Variants in LRBA observed in about 807,000 individuals in gnomAD.
LRBA encodes lipopolysaccharide-responsive and beige-like anchor protein.
Under a neutral mutation model 330.0 loss-of-function variants are expected in LRBA, and 176 were observed. That is an observed-to-expected ratio of 0.53 (90% confidence interval 0.47 to 0.60). The LOEUF (loss-of-function observed/expected upper bound fraction) is 0.60, where lower values mean the gene tolerates loss of function less well. Among genes scored for constraint, LRBA ranks in the 20% least tolerant of loss-of-function variants. The pLI, the probability that LRBA is intolerant of heterozygous loss-of-function variation, is 0.00. For missense variants in LRBA, 3,259 were observed against 3,444.8 expected (o/e 0.95, Z 1.35); for synonymous variants, 1,230 against 1,193.0 (o/e 1.03, Z -0.64).
chr4:150,818,088 T>C (rs1744861745), intron 30 of LRBA, among the ~76,000 whole-genome samples: 1 of 152,150 alleles, frequency 6.6e-6, no homozygotes, highest in Non-Finnish European at 1.5e-5. Context: ...TTGACAGTAC[T>C]ATAACTGCGA....
chr4:150,899,280 TGTGAAAG>T (rs1356380931), intron 14 of LRBA, among the ~76,000 whole-genome samples: 5 of 152,256 alleles, frequency 3.3e-5, no homozygotes, highest in African/African-American at 1.2e-4. Context: ...TTGTTACGGA[TGTGAAAG>T]GGGACCGGCT....
chr4:150,488,613 A>G (rs1177591758), intron 41 of LRBA, among the ~76,000 whole-genome samples: 2 of 151,532 alleles, frequency 1.3e-5, no homozygotes, highest in Non-Finnish European at 3.0e-5. Flanking sequence ...AAGTAAAATC[A>G]TACAATCTTG....
rs1433302483 is a variant in LRBA at position 151,014,755 on chromosome 4, G to C, written c.-113C>G. ...CGAAAGGGTCCCTCTTCCAACTTGTGGAGATACCCCAAAGCAGTTGATGTG... is the reference window on the plus strand; with the variant it reads ...CGAAAGGGTCCCTCTTCCAACTTGTCGAGATACCCCAAAGCAGTTGATGTG... On this transcript the variant is annotated 5_prime_UTR_variant, in exon 2 of 57. Transcript: ENST00000651943. 5.9e-6 allele frequency: 4 copies of C among 679,634 alleles called. No homozygotes were observed. The highest frequency in any genetic ancestry group is 4.1e-4 in the Middle Eastern group (1 of 2,428). 42.1% of individuals were successfully genotyped at this position (679,634 alleles called of 1,614,324 possible). A position where few individuals can be genotyped will look rare whatever the true frequency, so the allele number is the denominator to read the frequency against.
intron 44 of LRBA, among the ~76,000 whole-genome samples, chr4:150,457,460 G>A (rs983829595): frequency 1.5e-4 from 23 of 151,794 alleles, no homozygotes; most frequent in African/African-American, 5.6e-4. Flanking sequence ...GAATAGAATT[G>A]GACAGGAATT....
At chr4:150,456,973 C>G (rs11721723) in intron 44 of LRBA, among the ~76,000 whole-genome samples, 34,151 of 151,922 alleles carry the variant, frequency 0.22, 4,495 homozygotes, top group Non-Finnish European at 0.31. Flanking sequence ...AAAAATGAGT[C>G]CACTGTAGGT....
chr4:150,798,804 A>G (rs1234641926), intron 33 of LRBA, among the ~76,000 whole-genome samples: 1 of 152,232 alleles, frequency 6.6e-6, no homozygotes, highest in East Asian at 1.9e-4. Flanking sequence ...CCAATAAAAT[A>G]TAAAGTAGTT....
intron 2 of LRBA, among the ~76,000 whole-genome samples, chr4:150,939,192 C>T (rs1015721428): frequency 2.0e-5 from 3 of 152,124 alleles, no homozygotes; most frequent in Non-Finnish European, 4.4e-5. Context: ...TCCAAGAGGA[C>T]ATATGTTCAA....
intron 36 of LRBA, among the ~76,000 whole-genome samples, chr4:150,697,325 G>GAAAGAAAAAAAAAAAAAAAAAAAAAAAAA (rs373474421): frequency 7.1e-5 from 2 of 28,054 alleles, no homozygotes; most frequent in African/African-American, 2.6e-4. Context: ...CTTTGTCTCA[G>GAAAGAAAAAAAAAAAAAAAAAAAAAAAAA]AAAAAAAAAA....
chr4:150,516,220 T>C (rs1165241378), intron 40 of LRBA, among the ~76,000 whole-genome samples: 12 of 45,012 alleles, frequency 2.7e-4, no homozygotes, highest in African/African-American at 5.2e-4. Flanking sequence ...CTATTCTCTT[T>C]TTTTTTTTTT....
In LRBA at chr4:150,421,128, A is replaced by G. The variant is rs1748708608; in HGVS notation, c.7042-5538T>C. The stretch of plus-strand genomic sequence containing the variant: ...ATATAATATACATTATAATATATAT[A>G]AAGTATATATAATATACATTATATT... On this transcript the variant is annotated intron_variant, in intron 46 of 56. Transcript: ENST00000651943. 2.9e-5 allele frequency among the ~76,000 whole-genome samples: 3 copies of G among 102,028 alleles called. No individual in the cohort carries two copies. In the South Asian group the frequency reaches 8.3e-4, roughly 28 times the overall value. 66.9% of individuals were successfully genotyped at this position (102,028 alleles called of 152,430 possible).
At chr4:150,505,828 C>A (rs565493235) in intron 40 of LRBA, among the ~76,000 whole-genome samples, 1 of 151,956 alleles carries the variant, frequency 6.6e-6, no homozygotes, top group African/African-American at 2.4e-5. Flanking sequence ...ATTATTAGAC[C>A]ACTAGCAAGA....
chr4:150,410,365 C>A (rs1455689801), intron 47 of LRBA, among the ~76,000 whole-genome samples: 4 of 152,110 alleles, frequency 2.6e-5, no homozygotes, highest in Non-Finnish European at 5.9e-5. Flanking sequence ...TCCTGTCAGG[C>A]AATACTATGA....
rs1023601233 is a variant in LRBA at position 150,691,223 on chromosome 4, C to T, written c.5755-7506G>A. Among the ~76,000 whole-genome samples the T allele has an allele frequency of 1.1e-4, 17 of 152,058 alleles. No individual in the cohort carries two copies. In the East Asian group the frequency reaches 3.3e-3, roughly 29 times the overall value. On this transcript the variant is annotated intron_variant, in intron 36 of 56. Transcript: ENST00000651943. The stretch of plus-strand genomic sequence containing the variant: ...GGGATTACAGGCTTGAGCCACCATG[C>T]CTGGCCCAACACCTGCTCTTTAAAA...
chr4:150,435,326 G>C (rs1750971303), intron 46 of LRBA, among the ~76,000 whole-genome samples: 1 of 152,124 alleles, frequency 6.6e-6, no homozygotes, highest in Non-Finnish European at 1.5e-5. Context: ...ACTCCAGCCT[G>C]AAGGACAGAG....
chr4:150,265,851 T>G (rs1292199356), intron 56 of LRBA, 39 bp from the exon 57 acceptor site: 1 of 1,289,902 alleles, frequency 7.8e-7, no homozygotes, highest in Admixed American at 1.7e-5. Flanking sequence ...TACAAACCTG[T>G]GTGTCCTAGA....
At chr4:150,423,833 A>G (rs1283370875) in intron 46 of LRBA, among the ~76,000 whole-genome samples, 1 of 152,180 alleles carries the variant, frequency 6.6e-6, no homozygotes, top group Non-Finnish European at 1.5e-5. Flanking sequence ...ACATAAAATG[A>G]GTCCCCCCCA....
chr4:150,481,705 T>A (rs554693276), intron 42 of LRBA, among the ~76,000 whole-genome samples: 10 of 152,128 alleles, frequency 6.6e-5, no homozygotes, highest in African/African-American at 1.2e-4. Context: ...TTTCTTTCAT[T>A]TAGCATAACA....
chr4:150,345,635 A>G (rs1736183454), intron 48 of LRBA, among the ~76,000 whole-genome samples: 1 of 152,204 alleles, frequency 6.6e-6, no homozygotes, highest in East Asian at 1.9e-4. Context: ...TGACTTCTAT[A>G]TATAGGAAAC....
intron 47 of LRBA, among the ~76,000 whole-genome samples, chr4:150,392,346 CT>C (rs1744099280): frequency 6.6e-6 from 1 of 152,168 alleles, no homozygotes; most frequent in East Asian, 1.9e-4. Flanking sequence ...ACTAGTTCCT[CT>C]CACATAGGGG....
Sources: allele counts gnomAD v4.1 joint callset (sites outside exome capture counted in the v4.1 genomes callset), GRCh38; gene constraint gnomAD v4.1.1; transcripts MANE v1.5; gene names NCBI Gene and HGNC (gene_info 2026-07-23, HGNC 2026-07-21).